CUX1: variants seen among roughly 807,000 people sequenced by gnomAD.
The protein encoded by CUX1 is cut like homeobox 1, also known as protein CASP.
In CUX1, 31 loss-of-function variants were observed where a neutral mutation model predicts 158.8. The observed-to-expected ratio is 0.20, with a 90% confidence interval of 0.15 to 0.26. The LOEUF is 0.26. Ranked by LOEUF, CUX1 falls within the 10% of genes least tolerant of loss-of-function variation. CUX1 has a pLI of 1.00. For synonymous variants in CUX1, 879 were observed against 862.1 expected, an observed-to-expected ratio of 1.02 and a Z score of -0.34; for missense variants, 1,589 against 2,014.6, an observed-to-expected ratio of 0.79 and a Z score of 4.04.
At chr7:102,156,338 C>T (rs1257577858) in intron 8 of CUX1, among the ~76,000 whole-genome samples, 2 of 152,088 alleles carry the variant, frequency 1.3e-5, no homozygotes, top group Admixed American at 6.6e-5. Flanking sequence ...TGGCTCCTGG[C>T]GAGGGCTTCC....
chr7:102,218,878 C>A (rs1797504380), intron 20 of CUX1, among the ~76,000 whole-genome samples: 1 of 151,188 alleles, frequency 6.6e-6, no homozygotes, highest in Non-Finnish European at 1.5e-5. Context: ...CATAGTGAGG[C>A]CCCCCATCTC....
intron 23 of CUX1, among the ~76,000 whole-genome samples, chr7:102,240,501 T>TA (rs1423181272): frequency 1.3e-5 from 2 of 151,946 alleles, no homozygotes; most frequent in Admixed American, 1.3e-4. Flanking sequence ...CAAGCAGTCC[T>TA]ACCACCTCAA....
intron 2 of CUX1, among the ~76,000 whole-genome samples, chr7:101,958,097 A>G (rs1416709510): frequency 6.6e-6 from 1 of 152,188 alleles, no homozygotes; most frequent in Non-Finnish European, 1.5e-5. Flanking sequence ...ACTTGCTGTT[A>G]TTAGTGGAAA....
chr7:102,206,289 G>A (rs570540941), intron 20 of CUX1, among the ~76,000 whole-genome samples: 21 of 152,262 alleles, frequency 1.4e-4, no homozygotes, highest in African/African-American at 4.3e-4. Flanking sequence ...CATCTCACCC[G>A]CGCCGTGGGT....
intron 11 of CUX1, among the ~76,000 whole-genome samples, chr7:102,185,988 C>T (rs1336836356): frequency 6.6e-6 from 1 of 152,182 alleles, no homozygotes; most frequent in African/African-American, 2.4e-5. Flanking sequence ...TAGCATACCA[C>T]GCGGCCAGCG....
intron 1 of CUX1, among the ~76,000 whole-genome samples, chr7:101,872,514 G>C (rs745392036): frequency 6.7e-6 from 1 of 150,366 alleles, no homozygotes; most frequent in Admixed American, 6.7e-5. Context: ...GACTAAAGAA[G>C]ATAGAGTGGG....
intron 6 of CUX1, 121 bp downstream of exon 6, chr7:102,104,580 A>ATTT: frequency 7.6e-7 from 1 of 1,315,074 alleles, no homozygotes; most frequent in Non-Finnish European, 1.0e-6. Context: ...CAAATCTATA[A>ATTT]GGGGTAAAAT....
chr7:101,974,771 A>G (rs1812433469), intron 2 of CUX1, among the ~76,000 whole-genome samples: 1 of 152,110 alleles, frequency 6.6e-6, no homozygotes, highest in Admixed American at 6.6e-5. Flanking sequence ...CTTAAATTTT[A>G]TAGTAGGAAT....
chr7:101,846,645 G>A (rs932857705), intron 1 of CUX1, among the ~76,000 whole-genome samples: 12 of 152,138 alleles, frequency 7.9e-5, no homozygotes, highest in Non-Finnish European at 1.3e-4. Context: ...TTTCTTACAC[G>A]TAGTTCTGAC....
At chr7:102,152,350 T>C (rs1276822093) in intron 8 of CUX1, among the ~76,000 whole-genome samples, 3 of 152,164 alleles carry the variant, frequency 2.0e-5, no homozygotes, top group African/African-American at 7.2e-5. Flanking sequence ...AACCAGACCC[T>C]GTATCAAAAA....
At chr7:102,060,604 A>ACACACAC in intron 3 of CUX1, among the ~76,000 whole-genome samples, 1 of 34,650 alleles carries the variant, frequency 2.9e-5, no homozygotes, top group East Asian at 7.8e-4. Flanking sequence ...CACACACACA[A>ACACACAC]ATAAACACAC....
intron 1 of CUX1, among the ~76,000 whole-genome samples, chr7:101,910,268 C>T (rs540588844): frequency 6.6e-6 from 1 of 152,128 alleles, no homozygotes; most frequent in South Asian, 2.1e-4. Flanking sequence ...CGCCTTAGCC[C>T]CCCAAGTAGC....
chr7:102,043,996 TAG>T (rs1184735572), intron 3 of CUX1, among the ~76,000 whole-genome samples: 2 of 152,110 alleles, frequency 1.3e-5, no homozygotes, highest in Non-Finnish European at 2.9e-5. Context: ...TGTCTTTTTT[TAG>T]AGAGAGACAG....
upstream of CUX1, among the ~76,000 whole-genome samples, chr7:101,816,705 G>T (rs1791842978): frequency 6.9e-6 from 1 of 145,206 alleles, no homozygotes. Flanking sequence ...GGCGGAGCTG[G>T]GGCTGGTGGC....
intron 14 of CUX1, among the ~76,000 whole-genome samples, chr7:102,269,728 A>G (rs1791079800): frequency 6.6e-6 from 1 of 152,106 alleles, no homozygotes; most frequent in African/African-American, 2.4e-5. Context: ...CCACCCCCAC[A>G]GTCTTAACTC....
chr7:102,234,836 G>A (rs1175865861), intron 22 of CUX1, among the ~76,000 whole-genome samples: 1 of 151,788 alleles, frequency 6.6e-6, no homozygotes. Flanking sequence ...GGAGGCTGAG[G>A]CACAAGAATC....
At chr7:102,113,850 G>T (rs575908412) in intron 7 of CUX1, among the ~76,000 whole-genome samples, 1 of 152,242 alleles carries the variant, frequency 6.6e-6, no homozygotes, top group South Asian at 2.1e-4. Context: ...TTACAGGTGT[G>T]GGCTACCGCA....
chr7:102,027,856 T>G (rs1054180180), intron 2 of CUX1, among the ~76,000 whole-genome samples: 2 of 152,238 alleles, frequency 1.3e-5, no homozygotes, highest in African/African-American at 4.8e-5. Flanking sequence ...AATGAGACTC[T>G]GTCTTCAACA....
chr7:101,876,652 G>T (rs370260675), intron 1 of CUX1, among the ~76,000 whole-genome samples: 1 of 151,780 alleles, frequency 6.6e-6, no homozygotes, highest in Non-Finnish European at 1.5e-5. Context: ...TTGAGATCGG[G>T]CCACTGTGCT....
Sources: allele counts gnomAD v4.1 joint callset (sites outside exome capture counted in the v4.1 genomes callset), GRCh38; gene constraint gnomAD v4.1.1; transcripts MANE v1.5; gene names NCBI Gene and HGNC (gene_info 2026-07-23, HGNC 2026-07-21).